KCNH5: variants seen among roughly 807,000 people sequenced by gnomAD.
KCNH5 encodes potassium voltage-gated channel subfamily H member 5, also known as voltage-gated delayed rectifier potassium channel KCNH5.
Under a neutral mutation model 96.1 loss-of-function variants are expected in KCNH5, and 46 were observed. The ratio of observed to expected loss-of-function variants is 0.48; its 90% CI spans 0.38 to 0.61. The LOEUF (loss-of-function observed/expected upper bound fraction) is 0.61, where lower values mean the gene tolerates loss of function less well. Ranked by LOEUF, KCNH5 falls within the 20% of genes least tolerant of loss-of-function variation. KCNH5 has a pLI of 0.00. For synonymous variants in KCNH5, 439 were observed against 449.8 expected (o/e 0.98, Z 0.30); for missense variants, 907 against 1,225.8 (o/e 0.74, Z 3.88).
intron 7 of KCNH5, among the ~76,000 whole-genome samples, chr14:62,923,553 C>T (rs1889418284): frequency 6.6e-6 from 1 of 151,812 alleles, no homozygotes; most frequent in Non-Finnish European, 1.5e-5. Context: ...GCATTATTCT[C>T]TCTGATTTCA....
Position 63,006,415 on chromosome 14 carries a change from A to C in KCNH5, c.255T>G (p.Phe85Leu), listed in dbSNP as rs1472245270. 6.2e-7 allele frequency: 1 copy of C among 1,613,214 alleles called. No homozygotes were observed. Among genetic ancestry groups the C allele is most frequent in the East Asian group, 2.2e-5 (1 of 44,850 alleles). Reference protein sequence around the residue: ...KKTIEKVRQTFDNYESNCFEV... With the variant: ...KKTIEKVRQTLDNYESNCFEV... ...CAAAGCAGTTTGATTCGTAGTTGTC[A>C]AAAGTTTGCCTGACTTTCTCAATGG... The change falls in exon 3 of 11, where the codon TTT becomes TTG. Residue 85 changes from phenylalanine (F) to leucine (L), a missense_variant. Phe to Leu is a conservative substitution (Grantham distance 22). Transcript: ENST00000322893.
chr14:62,952,762 G>T (rs1446947008), intron 6 of KCNH5, among the ~76,000 whole-genome samples: 1 of 152,082 alleles, frequency 6.6e-6, no homozygotes, highest in Admixed American at 6.6e-5. Context: ...AATGTCATGA[G>T]TTAGGACCTA....
At chr14:62,767,632 C>T (rs758595887) in intron 10 of KCNH5, among the ~76,000 whole-genome samples, 3 of 152,040 alleles carry the variant, frequency 2.0e-5, no homozygotes, top group African/African-American at 7.2e-5. Flanking sequence ...TGAGTACACG[C>T]GGACAATAAG....
At chr14:62,747,642 A>C (rs1351406227) in intron 10 of KCNH5, among the ~76,000 whole-genome samples, 6 of 152,226 alleles carry the variant, frequency 3.9e-5, no homozygotes, top group South Asian at 2.1e-4. Flanking sequence ...ATCTCAGCAC[A>C]TGCAGCAAAA....
intron 2 of KCNH5, among the ~76,000 whole-genome samples, chr14:63,008,044 A>G (rs1891158793): frequency 6.6e-6 from 1 of 152,156 alleles, no homozygotes; most frequent in Non-Finnish European, 1.5e-5. Context: ...GCTGATCGGT[A>G]TGATTGTCCA....
chr14:62,856,678 A>G lies in KCNH5; in HGVS notation c.1370-6826T>C, dbSNP rs765583499. 4.6e-5 allele frequency among the ~76,000 whole-genome samples: 7 copies of G among 152,126 alleles called. No individual in the cohort carries two copies. In the East Asian group the frequency reaches 1.2e-3, roughly 25 times the overall value. ...CCAGTTTCCAAGTTGCTCTCCTTCC[A>G]TCTCTCTCATAATGGCTCCTGGCTT... On this transcript the variant is annotated intron_variant, in intron 7 of 10. Coordinates refer to ENST00000322893, the MANE Select transcript of KCNH5 (RefSeq NM_139318.5).
chr14:62,845,774 T>C (rs543210293), intron 8 of KCNH5, among the ~76,000 whole-genome samples: 50 of 152,314 alleles, frequency 3.3e-4, no homozygotes, highest in Non-Finnish European at 5.7e-4. Flanking sequence ...TTTTAGGAGA[T>C]GATTGGAAGT....
chr14:63,029,524 G>A (rs938484317), intron 1 of KCNH5, among the ~76,000 whole-genome samples: 3 of 151,702 alleles, frequency 2.0e-5, no homozygotes, highest in Admixed American at 1.3e-4. Flanking sequence ...TGTTTGTGGC[G>A]GGGGGGATGT....
chr14:62,976,097 T>TGA (rs1555366372), intron 6 of KCNH5, among the ~76,000 whole-genome samples: 3 of 139,922 alleles, frequency 2.1e-5, no homozygotes, highest in Non-Finnish European at 4.6e-5. Flanking sequence ...ATAGGAGATT[T>TGA]AAAAAAAAAA....
At chr14:62,859,747 C>T (rs1041495835) in intron 7 of KCNH5, among the ~76,000 whole-genome samples, 1 of 152,188 alleles carries the variant, frequency 6.6e-6, no homozygotes, top group African/African-American at 2.4e-5. Flanking sequence ...TCACTGCTGT[C>T]CTTCAGGGAG....
chr14:62,708,546 A>T, intron 10 of KCNH5, 91 bp from the exon 11 acceptor site: 5 of 742,208 alleles, frequency 6.7e-6, no homozygotes, highest in Non-Finnish European at 1.0e-5. Flanking sequence ...TTTGTGTTAC[A>T]AAGAAAACCC....
At chr14:62,881,379 T>C (rs1888488803) in intron 7 of KCNH5, among the ~76,000 whole-genome samples, 1 of 152,166 alleles carries the variant, frequency 6.6e-6, no homozygotes, top group Non-Finnish European at 1.5e-5. Context: ...AGCCATTATA[T>C]TTTTTCTGTT....
chr14:62,827,106 T>C (rs1483552908), intron 8 of KCNH5, among the ~76,000 whole-genome samples: 2 of 152,052 alleles, frequency 1.3e-5, no homozygotes, highest in Non-Finnish European at 2.9e-5. Context: ...AAAAACTTAA[T>C]GCAACTAAAA....
intron 7 of KCNH5, among the ~76,000 whole-genome samples, chr14:62,928,293 T>C (rs1279527362): frequency 6.6e-6 from 1 of 152,062 alleles, no homozygotes; most frequent in Non-Finnish European, 1.5e-5. Context: ...GGTGAGGTGC[T>C]GAAAAAGATC....
chr14:62,850,457 C>A (rs536934246), intron 7 of KCNH5, among the ~76,000 whole-genome samples: 1 of 152,184 alleles, frequency 6.6e-6, no homozygotes, highest in East Asian at 1.9e-4. Flanking sequence ...TTGGCAATGC[C>A]GAGAAATTCC....
At chr14:62,840,566 C>CTTTTTTTTTTTTTTTTTT (rs71120238) in intron 8 of KCNH5, among the ~76,000 whole-genome samples, 10 of 76,366 alleles carry the variant, frequency 1.3e-4, no homozygotes, top group East Asian at 4.7e-4. Flanking sequence ...TCTTTTTTTT[C>CTTTTTTTTTTTTTTTTTT]TTTTTTTTTT....
chr14:62,815,745 A>C (rs1886965137), intron 8 of KCNH5, among the ~76,000 whole-genome samples: 1 of 152,050 alleles, frequency 6.6e-6, no homozygotes, highest in African/African-American at 2.4e-5. Flanking sequence ...TAGAGATGCC[A>C]AATAAATTAT....
chr14:62,733,481 G>A (rs1459654406), intron 10 of KCNH5, among the ~76,000 whole-genome samples: 4 of 152,144 alleles, frequency 2.6e-5, no homozygotes, highest in African/African-American at 9.7e-5. Context: ...CTAGAACTGT[G>A]AGAAATATGT....
intron 1 of KCNH5, among the ~76,000 whole-genome samples, chr14:63,028,126 C>G (rs186423799): frequency 6.6e-6 from 1 of 152,170 alleles, no homozygotes; most frequent in African/African-American, 2.4e-5. Context: ...CTCTCTCTCT[C>G]TCTTATAAAC....
Sources: allele counts gnomAD v4.1 joint callset (sites outside exome capture counted in the v4.1 genomes callset), GRCh38; gene constraint gnomAD v4.1.1; transcripts MANE v1.5; gene names NCBI Gene and HGNC (gene_info 2026-07-23, HGNC 2026-07-21).